The following MSRA variants were observed in gnomAD, a reference collection of about 807,000 sequenced individuals.
MSRA encodes the protein methionine sulfoxide reductase A.
MSRA carries 54 observed loss-of-function variants against 31.3 expected under a neutral mutation model. The ratio of observed to expected loss-of-function variants is 1.73; its 90% confidence interval spans 1.39 to 2.17. MSRA has a LOEUF of 2.17. Among genes scored for constraint, MSRA ranks in the 30% most tolerant of loss-of-function variants. The probability of loss-of-function intolerance (pLI) is 0.00; values close to 1 mark genes in which losing one functional copy is unlikely to be tolerated. For missense variants in MSRA, 507 were observed against 300.9 expected (o/e 1.69, Z -5.07); for synonymous variants, 169 against 116.5 (o/e 1.45, Z -2.90).
At chr8:10,361,961 G>A (rs1309012390) in intron 5 of MSRA, among the ~76,000 whole-genome samples, 2 of 152,000 alleles carry the variant, frequency 1.3e-5, no homozygotes, top group Non-Finnish European at 2.9e-5. Flanking sequence ...TCCTTCTCAT[G>A]ATCTGCGAGG....
At chr8:10,241,182 C>G (rs1215760853) in intron 2 of MSRA, among the ~76,000 whole-genome samples, 2 of 152,040 alleles carry the variant, frequency 1.3e-5, no homozygotes, top group Non-Finnish European at 2.9e-5. Flanking sequence ...TCATTATCAC[C>G]CATGTCATGA....
At chr8:10,072,833 A>T (rs1051178995) in intron 1 of MSRA, among the ~76,000 whole-genome samples, 5 of 152,242 alleles carry the variant, frequency 3.3e-5, no homozygotes, top group African/African-American at 1.2e-4. Context: ...TTCATACCTA[A>T]CCTAAGCTTT....
chr8:10,221,991 A>T lies in MSRA; in HGVS notation c.211+14090A>T, dbSNP rs186757048. On this transcript the variant is annotated intron_variant, in intron 2 of 5. Coordinates refer to ENST00000317173, the MANE Select transcript of MSRA (RefSeq NM_012331.5). ...TACGAGATCATGAAGGGCAATTCACAGGTAATTCGTGGGTAATTGTGGGGA... is the reference window on the plus strand; with the variant it reads ...TACGAGATCATGAAGGGCAATTCACTGGTAATTCGTGGGTAATTGTGGGGA... Among the ~76,000 whole-genome samples, 10 of 145,732 alleles carry T rather than the reference A, an allele frequency of 6.9e-5. No homozygotes were observed. In the East Asian group the frequency reaches 1.9e-3, roughly 28 times the overall value.
intron 3 of MSRA, among the ~76,000 whole-genome samples, chr8:10,267,397 A>G (rs1158225508): frequency 6.6e-6 from 1 of 152,114 alleles, no homozygotes; most frequent in East Asian, 1.9e-4. Context: ...TGGAAAGACA[A>G]AATGGGGTTG....
At chr8:10,206,526 C>T (rs1380270788) in intron 1 of MSRA, among the ~76,000 whole-genome samples, 1 of 152,216 alleles carries the variant, frequency 6.6e-6, no homozygotes, top group African/African-American at 2.4e-5. Flanking sequence ...TGCTCAAGAT[C>T]TTCCGTGACC....
chr8:10,112,955 C>T (rs777338310), intron 1 of MSRA, among the ~76,000 whole-genome samples: 13 of 152,102 alleles, frequency 8.5e-5, no homozygotes, highest in East Asian at 1.9e-4. Context: ...CTGACCACCC[C>T]GTCTAACATG....
chr8:10,078,829 G>T (rs1585101115), intron 1 of MSRA, among the ~76,000 whole-genome samples: 1 of 152,320 alleles, frequency 6.6e-6, no homozygotes, highest in Admixed American at 6.5e-5. Flanking sequence ...GGCAGTCCAA[G>T]TTGGAATATT....
At chr8:10,067,204 C>T (rs1007550405) in intron 1 of MSRA, among the ~76,000 whole-genome samples, 1 of 152,152 alleles carries the variant, frequency 6.6e-6, no homozygotes, top group African/African-American at 2.4e-5. Context: ...CCCTTGCAAC[C>T]ACTGAACTTT....
At chr8:10,290,900 C>T (rs1800197356) in intron 3 of MSRA, among the ~76,000 whole-genome samples, 1 of 152,190 alleles carries the variant, frequency 6.6e-6, no homozygotes. Flanking sequence ...ATCATCCCTG[C>T]CTGTTTCGCA....
intron 1 of MSRA, among the ~76,000 whole-genome samples, chr8:10,076,128 C>G (rs1318865953): frequency 1.3e-5 from 2 of 152,190 alleles, no homozygotes; most frequent in Non-Finnish European, 2.9e-5. Context: ...CCTCAGTTTT[C>G]TCATTTGTAA....
At chr8:10,289,735 G>C (rs1800130735) in intron 3 of MSRA, among the ~76,000 whole-genome samples, 1 of 152,134 alleles carries the variant, frequency 6.6e-6, no homozygotes, top group South Asian at 2.1e-4. Context: ...TTTTAACTCT[G>C]AGGTGGAACA....
intron 5 of MSRA, among the ~76,000 whole-genome samples, chr8:10,367,283 C>T (rs1258216343): frequency 6.6e-6 from 1 of 152,196 alleles, no homozygotes; most frequent in Non-Finnish European, 1.5e-5. Flanking sequence ...AGAGAGACCA[C>T]AGTCACATAA....
intron 1 of MSRA, among the ~76,000 whole-genome samples, chr8:10,111,458 C>T (rs986169435): frequency 6.6e-6 from 1 of 152,140 alleles, no homozygotes; most frequent in African/African-American, 2.4e-5. Flanking sequence ...AATAGATTCC[C>T]AGGTTAACTC....
chr8:10,261,159 TATTG>T (rs1798460301), intron 3 of MSRA, among the ~76,000 whole-genome samples: 1 of 152,222 alleles, frequency 6.6e-6, no homozygotes, highest in Non-Finnish European at 1.5e-5. Flanking sequence ...GCTGTGATGG[TATTG>T]ATTACCTTTT....
At chr8:10,343,092 A>G (rs1474344664) in intron 5 of MSRA, among the ~76,000 whole-genome samples, 1 of 150,954 alleles carries the variant, frequency 6.6e-6, no homozygotes, top group Admixed American at 6.6e-5. Context: ...CTTCCCAGCT[A>G]ATTCTTAGAG....
intron 5 of MSRA, among the ~76,000 whole-genome samples, chr8:10,378,034 G>C (rs1016910165): frequency 6.6e-6 from 1 of 152,230 alleles, no homozygotes; most frequent in South Asian, 2.1e-4. Flanking sequence ...AAAGGCCCCG[G>C]GTGGCCAGGC....
At position 10,197,233 on chromosome 8, in the gene MSRA, C is replaced by G. The variant is rs193261192; in HGVS notation, c.143-10600C>G. ...TAAAAGTCAGGTGGAAAATTTCCAT[C>G]AATTAATGTAATATTATATGCTTAT... On this transcript the variant is annotated intron_variant, in intron 1 of 5. Transcript: ENST00000317173. 2.3e-3 allele frequency among the ~76,000 whole-genome samples: 348 copies of G among 152,242 alleles called. 2 individuals carry two copies. The highest frequency in any genetic ancestry group is 8.0e-3 in the African/African-American group (334 of 41,520).
chr8:10,197,169 T>A (rs867831014), intron 1 of MSRA, among the ~76,000 whole-genome samples: 8 of 152,174 alleles, frequency 5.3e-5, no homozygotes, highest in African/African-American at 1.9e-4. Context: ...TTGGTAGTCA[T>A]TAGGAATTAC....
chr8:10,219,796 ACT>A (rs1286163681), intron 2 of MSRA, among the ~76,000 whole-genome samples: 4 of 82,386 alleles, frequency 4.9e-5, no homozygotes, highest in Non-Finnish European at 9.0e-5. Context: ...ACAGATCGAG[ACT>A]CTGTCTCCAA....
Sources: allele counts gnomAD v4.1 joint callset (sites outside exome capture counted in the v4.1 genomes callset), GRCh38; gene constraint gnomAD v4.1.1; transcripts MANE v1.5; gene names NCBI Gene and HGNC (gene_info 2026-07-23, HGNC 2026-07-21).